The following IGSF11 variants were observed in gnomAD, a reference collection of about 807,000 sequenced individuals.
IGSF11 encodes CXADR like 1.
A neutral mutation model predicts 41.0 loss-of-function variants in IGSF11; 22 were observed. The observed-to-expected ratio is 0.54, with a 90% CI of 0.38 to 0.77. The LOEUF (loss-of-function observed/expected upper bound fraction) is 0.77. IGSF11 is among the 30% of genes least tolerant of loss of function. The pLI is 0.00. For synonymous variants in IGSF11, 219 were observed against 201.3 expected, an observed-to-expected ratio of 1.09 and a Z score of -0.74; for missense variants, 444 against 530.8, an observed-to-expected ratio of 0.84 and a Z score of 1.61.
intron 1 of IGSF11, among the ~76,000 whole-genome samples, chr3:118,958,522 G>C (rs1945116399): frequency 6.6e-6 from 1 of 151,828 alleles, no homozygotes; most frequent in South Asian, 2.1e-4. Flanking sequence ...TCCCTAGTCA[G>C]TGGAAAAAAA....
intron 1 of IGSF11, among the ~76,000 whole-genome samples, chr3:119,116,920 A>T (rs1193445829): frequency 6.6e-6 from 1 of 151,530 alleles, no homozygotes; most frequent in African/African-American, 2.4e-5. Flanking sequence ...GAAAGCTTTG[A>T]CCCCCATGAT....
Position 119,074,978 on chromosome 3 carries a change from C to A in IGSF11, c.49+30166G>T, listed in dbSNP as rs2076468524. On this transcript the variant is annotated intron_variant, in intron 1 of 6. Coordinates refer to the IGSF11 transcript ENST00000354673. ...ATGCTGGCAAAAGAAAAGAAATAAC[C>A]AAAATCAAAGGTGAAACGAATGAAA... 2.0e-5 allele frequency among the ~76,000 whole-genome samples: 3 copies of A among 151,956 alleles called. No individual in the cohort carries two copies. In the East Asian group the frequency reaches 5.8e-4, roughly 29 times the overall value.
rs200406600 is a variant in IGSF11 at position 119,004,377 on chromosome 3, C to T, written c.52+30154G>A. Among the ~76,000 whole-genome samples the T allele has an allele frequency of 9.0e-3, 1,360 of 150,402 alleles. 19 individuals carry two copies. Among genetic ancestry groups the T allele is most frequent in the East Asian group, 0.052 (264 of 5,058 alleles). ...TTTTTTTCTTTATTAGTCTTGCTAG[C>T]GGTCTATCAATTTTGTTGATCCTTT... On this transcript the variant is annotated intron_variant, in intron 1 of 6. Coordinates refer to ENST00000393775, the MANE Select transcript of IGSF11 (RefSeq NM_001015887.3).
At chr3:119,036,280 A>T (rs1940897477), upstream of IGSF11, among the ~76,000 whole-genome samples, 1 of 152,214 alleles carries the variant, frequency 6.6e-6, no homozygotes, top group Non-Finnish European at 1.5e-5. Flanking sequence ...TTTCATATTA[A>T]TAACAAATTT....
intron 1 of IGSF11, among the ~76,000 whole-genome samples, chr3:119,019,848 T>C (rs1939117416): frequency 1.3e-5 from 2 of 152,138 alleles, no homozygotes; most frequent in Admixed American, 1.3e-4. Context: ...ATAGACTGAA[T>C]GTTTGTATAC....
At chr3:119,094,034 C>A (rs2076806953) in intron 1 of IGSF11, among the ~76,000 whole-genome samples, 1 of 151,192 alleles carries the variant, frequency 6.6e-6, no homozygotes, top group Non-Finnish European at 1.5e-5. Context: ...CGTAAAGGTG[C>A]AGAATCTCGG....
chr3:119,075,897 C>T (rs7432055), intron 1 of IGSF11, among the ~76,000 whole-genome samples: 25,041 of 152,000 alleles, frequency 0.16, 3,305 homozygotes, highest in African/African-American at 0.36. Flanking sequence ...CTTCACAGAA[C>T]TGGAAAAAAC....
At chr3:119,008,186 GTAAA>G (rs1937642174) in intron 1 of IGSF11, among the ~76,000 whole-genome samples, 1 of 151,692 alleles carries the variant, frequency 6.6e-6, no homozygotes, top group Non-Finnish European at 1.5e-5. Flanking sequence ...CAAAAAAAAC[GTAAA>G]TAAAAACTCC....
intron 1 of IGSF11, among the ~76,000 whole-genome samples, chr3:118,942,246 T>C (rs767461717): frequency 4.6e-5 from 7 of 152,208 alleles, no homozygotes; most frequent in Non-Finnish European, 7.3e-5. Flanking sequence ...AAAACATCCA[T>C]AACTATACTG....
intron 1 of IGSF11, among the ~76,000 whole-genome samples, chr3:118,958,554 C>A (rs781250554): frequency 2.5e-4 from 38 of 151,838 alleles, no homozygotes; most frequent in Non-Finnish European, 4.4e-4. Flanking sequence ...TTATAAGCAG[C>A]AAGATAAAAA....
intron 1 of IGSF11, among the ~76,000 whole-genome samples, chr3:118,948,585 A>C (rs919165542): frequency 2.6e-5 from 4 of 152,130 alleles, no homozygotes; most frequent in Admixed American, 6.5e-5. Context: ...TGTCATAGTA[A>C]ATACAGCCAT....
chr3:119,077,283 G>A (rs1022023433), intron 1 of IGSF11, among the ~76,000 whole-genome samples: 2 of 152,030 alleles, frequency 1.3e-5, no homozygotes, highest in Non-Finnish European at 2.9e-5. Context: ...TGGGGGAAGG[G>A]GGGAGGGAAA....
chr3:118,961,428 T>C (rs923984698), intron 1 of IGSF11, among the ~76,000 whole-genome samples: 3 of 152,294 alleles, frequency 2.0e-5, no homozygotes, highest in East Asian at 1.9e-4. Flanking sequence ...AATTTTCCTA[T>C]ATAAAAATTA....
At chr3:118,916,921 T>C (rs1576356746) in intron 4 of IGSF11, among the ~76,000 whole-genome samples, 1 of 152,126 alleles carries the variant, frequency 6.6e-6, no homozygotes, top group East Asian at 1.9e-4. Context: ...CAGACCACAG[T>C]GCAATCAAAC....
chr3:119,057,433 T>A (rs1299140650), intron 1 of IGSF11, among the ~76,000 whole-genome samples: 1 of 152,166 alleles, frequency 6.6e-6, no homozygotes, highest in African/African-American at 2.4e-5. Flanking sequence ...AAGGACCTCT[T>A]TGAGGAGAAC....
intron 1 of IGSF11, among the ~76,000 whole-genome samples, chr3:119,137,065 A>C (rs1186323155): frequency 6.6e-6 from 1 of 152,158 alleles, no homozygotes; most frequent in African/African-American, 2.4e-5. Context: ...TGATGAAAGA[A>C]ATTGAGGAGG....
intron 1 of IGSF11, among the ~76,000 whole-genome samples, chr3:119,033,457 T>C (rs575492249): frequency 4.6e-5 from 7 of 152,350 alleles, no homozygotes; most frequent in African/African-American, 1.4e-4. Context: ...GAAAAGTTAA[T>C]TTTGATGATA....
At chr3:119,039,060 C>G (rs935527331), upstream of IGSF11, among the ~76,000 whole-genome samples, 2 of 152,206 alleles carry the variant, frequency 1.3e-5, no homozygotes, top group Admixed American at 6.5e-5. Context: ...CCGATGAAGT[C>G]AGATCAGGTC....
chr3:118,950,571 T>C (rs1944498251), intron 1 of IGSF11, among the ~76,000 whole-genome samples: 2 of 152,062 alleles, frequency 1.3e-5, no homozygotes, highest in African/African-American at 4.8e-5. Context: ...AACATATATA[T>C]ACCCCAACTC....
Sources: allele counts gnomAD v4.1 joint callset (sites outside exome capture counted in the v4.1 genomes callset), GRCh38; gene constraint gnomAD v4.1.1; transcripts MANE v1.5; gene names NCBI Gene and HGNC (gene_info 2026-07-23, HGNC 2026-07-21).